POT1: variants seen among roughly 807,000 people sequenced by gnomAD.
The protein encoded by POT1 is protection of telomeres 1.
In POT1, 47 loss-of-function variants were observed where a neutral mutation model predicts 78.5. The observed-to-expected ratio is 0.60, with a 90% CI of 0.47 to 0.76. The LOEUF is 0.76. Ranked by LOEUF, POT1 falls within the 30% of genes least tolerant of loss-of-function variation. POT1 has a pLI of 0.00. For synonymous variants in POT1, 259 were observed against 260.7 expected (o/e 0.99, Z 0.06); for missense variants, 646 against 749.9 (o/e 0.86, Z 1.62).
chr7:124,882,216 A>C (rs1416634164), intron 6 of POT1, among the ~76,000 whole-genome samples: 5 of 152,028 alleles, frequency 3.3e-5, no homozygotes, highest in Non-Finnish European at 5.9e-5. Context: ...AAGTTGCTTC[A>C]TCTCCTTTTT....
At chr7:124,853,692 C>T (rs1795372780) in intron 9 of POT1, among the ~76,000 whole-genome samples, 1 of 150,644 alleles carries the variant, frequency 6.6e-6, no homozygotes, top group Admixed American at 6.7e-5. Flanking sequence ...GTGCCTGTAC[C>T]ACCACAGTGT....
At chr7:124,853,171 G>A (rs771139071) in intron 9 of POT1, 33 bp from the exon 10 acceptor site, 1 of 1,475,380 alleles carries the variant, frequency 6.8e-7, no homozygotes, top group East Asian at 2.3e-5. Context: ...TTTAGAAAGT[G>A]GGGAAAAATT....
intron 3 of POT1, among the ~76,000 whole-genome samples, chr7:124,907,490 GT>G (rs76492324): frequency 0.22 from 32,860 of 152,086 alleles, 3,982 homozygotes; most frequent in East Asian, 0.3. Context: ...AAGACTGGAG[GT>G]TGCCAGAAGT....
At chr7:124,882,380 C>T (rs1385613247) in intron 6 of POT1, among the ~76,000 whole-genome samples, 2 of 152,000 alleles carry the variant, frequency 1.3e-5, no homozygotes, top group Non-Finnish European at 2.9e-5. Flanking sequence ...ACTTCTTTTA[C>T]AAGGAAACTT....
At chr7:124,870,037 A>C (rs1205085532) in intron 7 of POT1, among the ~76,000 whole-genome samples, 1 of 152,172 alleles carries the variant, frequency 6.6e-6, no homozygotes, top group Non-Finnish European at 1.5e-5. Context: ...ACCATGAAGG[A>C]CAGAATTAAA....
At chr7:124,874,806 A>T (rs928913649) in intron 6 of POT1, among the ~76,000 whole-genome samples, 7 of 151,264 alleles carry the variant, frequency 4.6e-5, no homozygotes, top group Admixed American at 6.6e-5. Context: ...GAGGGGGAGG[A>T]AAAAAGGAGA....
intron 6 of POT1, among the ~76,000 whole-genome samples, chr7:124,882,972 G>C (rs982842573): frequency 6.6e-6 from 1 of 151,978 alleles, no homozygotes; most frequent in African/African-American, 2.4e-5. Context: ...GATGAAAATT[G>C]ATAGAATAGC....
At position 124,920,299 on chromosome 7, in the gene POT1, C is replaced by A. The variant is rs552342376; in HGVS notation, c.-226-4653G>T. Among the ~76,000 whole-genome samples the A allele has an allele frequency of 2.6e-5, 4 of 152,062 alleles. No homozygotes were observed. The East Asian group carries it at 5.8e-4, about 22-fold the overall frequency. On this transcript the variant is annotated intron_variant, in intron 2 of 18. Coordinates refer to ENST00000357628, the MANE Select transcript of POT1 (RefSeq NM_015450.3). ...CAACCTGAAAGAATGTTATACGTATCATAGTAAGTGAAAGAAGCCAGATGC... is the reference window on the plus strand; with the variant it reads ...CAACCTGAAAGAATGTTATACGTATAATAGTAAGTGAAAGAAGCCAGATGC...
chr7:124,853,138 C>T lies in POT1; in HGVS notation c.703G>A (p.Val235Ile), dbSNP rs753638532. ...NHVHVARSLK[V>I]GSFLRIYSLH... ...CTATAGATTCTAAGAAAGCTTCCAACCTAAAAAATAGATCATTTGTTATTT... is the reference window on the plus strand; with the variant it reads ...CTATAGATTCTAAGAAAGCTTCCAATCTAAAAAATAGATCATTTGTTATTT... The change falls in exon 10 of 19, where the codon GTT (valine) becomes ATT (isoleucine). Residue 235 changes from valine to isoleucine, a missense_variant and splice_region_variant. Val to Ile is a conservative substitution (Grantham distance 29, BLOSUM62 3). Transcript: ENST00000357628. 16 of 1,557,294 alleles carry T rather than the reference C, an allele frequency of 1.0e-5. No homozygotes were observed. The African/African-American group carries it at 1.2e-4, about 12-fold the overall frequency.
chr7:124,915,327 A>C (rs1027312557), intron 3 of POT1, among the ~76,000 whole-genome samples: 2 of 152,188 alleles, frequency 1.3e-5, no homozygotes, highest in Non-Finnish European at 2.9e-5. Flanking sequence ...AACAACACCT[A>C]GGTAACAAAT....
At chr7:124,871,248 G>A (rs374782008) in intron 6 of POT1, among the ~76,000 whole-genome samples, 2 of 151,992 alleles carry the variant, frequency 1.3e-5, no homozygotes, top group Admixed American at 6.6e-5. Context: ...ATTTTAGAAA[G>A]TTTAGTAAAA....
At chr7:124,876,042 A>G (rs1242769084) in intron 6 of POT1, among the ~76,000 whole-genome samples, 1 of 152,222 alleles carries the variant, frequency 6.6e-6, no homozygotes, top group African/African-American at 2.4e-5. Context: ...AGAAATCTAA[A>G]ATAGAAACTG....
chr7:124,871,895 AT>A (rs1795880143), intron 6 of POT1, among the ~76,000 whole-genome samples: 1 of 152,036 alleles, frequency 6.6e-6, no homozygotes, highest in Non-Finnish European at 1.5e-5. Flanking sequence ...CTTAACATCC[AT>A]TTTCTTAGCA....
At chr7:124,897,025 A>T (rs1341705581) in intron 5 of POT1, 140 bp downstream of exon 5, 8 of 429,298 alleles carry the variant, frequency 1.9e-5, no homozygotes, top group Non-Finnish European at 2.5e-5. Context: ...AAAAAAGTAA[A>T]GATTATGTTT....
At chr7:124,900,936 A>G (rs1430871133) in intron 3 of POT1, 2 of 227,880 alleles carry the variant, frequency 8.8e-6, no homozygotes, top group East Asian at 2.5e-4. Flanking sequence ...GTGAGGCTGC[A>G]GCGAGTCTGG....
At chr7:124,829,128 T>C (rs982927584) in intron 16 of POT1, 126 bp downstream of exon 16, 2 of 787,824 alleles carry the variant, frequency 2.5e-6, no homozygotes, top group African/African-American at 3.4e-5. Context: ...TCTGTTTATC[T>C]TACAGAGGAA....
intron 5 of POT1, 43 bp from the exon 6 acceptor site, chr7:124,892,423 T>C: frequency 2.1e-6 from 2 of 951,998 alleles, no homozygotes; most frequent in Non-Finnish European, 3.0e-6. Flanking sequence ...ACAAAGTATT[T>C]ACATTGTAGA....
chr7:124,827,314 G>C lies in POT1; in HGVS notation c.1595-9C>G. ...GGGTACAATACCCAGTGCTAGTGAA[G>C]GAAAAAAAGATCAAACCATATGAGT... On this transcript the variant is annotated splice_polypyrimidine_tract_variant and intron_variant, in intron 16 of 18. Transcript: ENST00000357628. 1 of 1,511,170 alleles carries C rather than the reference G, an allele frequency of 6.6e-7. No individual in the cohort carries two copies. Among genetic ancestry groups the C allele is most frequent in the Non-Finnish European group, 9.1e-7 (1 of 1,103,546 alleles). 93.6% of individuals were successfully genotyped at this position (1,511,170 alleles called of 1,614,324 possible).
intron 2 of POT1, among the ~76,000 whole-genome samples, chr7:124,916,600 G>A (rs1797020373): frequency 1.3e-5 from 2 of 151,952 alleles, no homozygotes; most frequent in Non-Finnish European, 2.9e-5. Context: ...TCCCTGAAAT[G>A]AGAAAAAAAT....
Sources: gnomAD v4.1 joint callset for allele counts (sites outside exome capture counted in the v4.1 genomes callset) on GRCh38, gnomAD v4.1.1 for gene constraint, MANE v1.5 for transcripts, NCBI Gene and HGNC (gene_info 2026-07-23, HGNC 2026-07-21) for gene names.